The following ARHGAP10 variants were observed in gnomAD, a reference collection of about 807,000 sequenced individuals.
ARHGAP10 encodes rho GTPase-activating protein 10.
Under a neutral mutation model 108.6 loss-of-function variants are expected in ARHGAP10, and 87 were observed. The observed-to-expected ratio is 0.80, with a 90% CI of 0.67 to 0.96. The LOEUF is 0.96. Among genes scored for constraint, ARHGAP10 ranks in the 40% least tolerant of loss-of-function variants. ARHGAP10 has a pLI of 0.00. For synonymous variants in ARHGAP10, 347 were observed against 341.1 expected (o/e 1.02, Z -0.19); for missense variants, 939 against 954.5 (o/e 0.98, Z 0.21).
In ARHGAP10 at chr4:147,736,120, C is replaced by CTGTGTGTGTGTG. The variant is rs10644088; in HGVS notation, c.154+3688_154+3699dup. Among the ~76,000 whole-genome samples the CTGTGTGTGTGTG allele has an allele frequency of 2.4e-3, 351 of 144,740 alleles. 2 individuals are homozygous for CTGTGTGTGTGTG. Among genetic ancestry groups the CTGTGTGTGTGTG allele is most frequent in the African/African-American group, 8.5e-3 (335 of 39,336 alleles). 95.0% of individuals were successfully genotyped at this position (144,740 alleles called of 152,430 possible). ...TCTGTAGTGAACTTAAATTGTCTAG[C>CTGTGTGTGTGTG]TGTGTGTGTGTGTGTGTGTGTGTGT... On this transcript the variant is annotated intron_variant, in intron 1 of 22. Coordinates refer to ENST00000336498, the MANE Select transcript of ARHGAP10 (RefSeq NM_024605.4).
chr4:147,935,376 T>G (rs527341911), intron 13 of ARHGAP10, among the ~76,000 whole-genome samples: 1 of 152,186 alleles, frequency 6.6e-6, no homozygotes, highest in Admixed American at 6.5e-5. Flanking sequence ...TGGATTATAG[T>G]TGTGTGTTTC....
chr4:147,833,937 A>G (rs1397924997), intron 3 of ARHGAP10, among the ~76,000 whole-genome samples: 3 of 152,214 alleles, frequency 2.0e-5, no homozygotes, highest in African/African-American at 7.2e-5. Context: ...GACATTGACT[A>G]TCAGGCCCAG....
At chr4:147,790,922 AC>A (rs1553950351) in intron 1 of ARHGAP10, among the ~76,000 whole-genome samples, 1 of 151,748 alleles carries the variant, frequency 6.6e-6, no homozygotes, top group Non-Finnish European at 1.5e-5. Context: ...GGCTCCTGTG[AC>A]CCCTCCTCAT....
chr4:147,948,965 CAA>C (rs571158588), intron 15 of ARHGAP10, among the ~76,000 whole-genome samples: 2 of 87,780 alleles, frequency 2.3e-5, no homozygotes, highest in Non-Finnish European at 2.4e-5. Flanking sequence ...GACTCTGTCT[CAA>C]AAAAAAAAAA....
At chr4:147,748,624 C>T (rs543106287) in intron 1 of ARHGAP10, among the ~76,000 whole-genome samples, 1 of 152,250 alleles carries the variant, frequency 6.6e-6, no homozygotes, top group South Asian at 2.1e-4. Context: ...GATGGTTTCA[C>T]AGGTGTATGC....
intron 15 of ARHGAP10, among the ~76,000 whole-genome samples, chr4:147,951,907 C>T (rs1443624607): frequency 6.6e-6 from 1 of 152,146 alleles, no homozygotes; most frequent in Non-Finnish European, 1.5e-5. Flanking sequence ...CATTATTACC[C>T]CCCAAAGTTT....
At chr4:147,918,394 C>T (rs1260966124) in intron 13 of ARHGAP10, among the ~76,000 whole-genome samples, 2 of 152,150 alleles carry the variant, frequency 1.3e-5, no homozygotes, top group Admixed American at 1.3e-4. Context: ...CTCGGCCTCC[C>T]AAAGTGCTGT....
chr4:147,740,672 C>T (rs953029951), intron 1 of ARHGAP10, among the ~76,000 whole-genome samples: 3 of 152,198 alleles, frequency 2.0e-5, no homozygotes, highest in Non-Finnish European at 4.4e-5. Flanking sequence ...TCCACTCTGT[C>T]TCTCTCAATC....
At chr4:147,909,859 T>A in intron 12 of ARHGAP10, 82 bp downstream of exon 12, 1 of 1,375,042 alleles carries the variant, frequency 7.3e-7, no homozygotes, top group Non-Finnish European at 1.0e-6. Flanking sequence ...AAGCTGTTGC[T>A]GGGAGCTTAC....
intron 3 of ARHGAP10, among the ~76,000 whole-genome samples, chr4:147,827,548 G>A (rs2126792208): frequency 6.6e-6 from 1 of 152,144 alleles, no homozygotes; most frequent in East Asian, 1.9e-4. Flanking sequence ...GAGGGCCTTT[G>A]TATAGTTTAG....
At chr4:147,739,575 AAAAG>A (rs778381653) in intron 1 of ARHGAP10, among the ~76,000 whole-genome samples, 3 of 152,182 alleles carry the variant, frequency 2.0e-5, no homozygotes, top group Non-Finnish European at 4.4e-5. Flanking sequence ...AATTCACAAT[AAAAG>A]AAGACGACCA....
chr4:147,946,301 CGAT>C (rs1212631420), intron 14 of ARHGAP10: 63 of 248,162 alleles, frequency 2.5e-4, no homozygotes, highest in Non-Finnish European at 3.9e-4. Flanking sequence ...ATACTGTTAA[CGAT>C]GATGATGATA....
intron 7 of ARHGAP10, among the ~76,000 whole-genome samples, chr4:147,870,974 G>GTT (rs1180872640): frequency 7.5e-6 from 1 of 132,816 alleles, no homozygotes; most frequent in African/African-American, 2.9e-5. Flanking sequence ...GTGTGTGTGT[G>GTT]TTTGAGATGG....
intron 18 of ARHGAP10, among the ~76,000 whole-genome samples, chr4:148,011,812 A>G (rs966565481): frequency 6.6e-6 from 1 of 152,228 alleles, no homozygotes; most frequent in Middle Eastern, 3.2e-3. Flanking sequence ...CCCTGAGAAT[A>G]TTTAAGAATC....
At position 147,826,138 on chromosome 4, in the gene ARHGAP10, G is replaced by A. The variant is rs577516387; in HGVS notation, c.312+3181G>A. ...CTGGAGGAAAAGTTCTGAGCAGAGTGGTGCTGGATTTTAGCTCTACAGAAA... is the reference window on the plus strand; with the variant it reads ...CTGGAGGAAAAGTTCTGAGCAGAGTAGTGCTGGATTTTAGCTCTACAGAAA... On this transcript the variant is annotated intron_variant, in intron 3 of 22. Coordinates refer to ENST00000336498, the MANE Select transcript of ARHGAP10 (RefSeq NM_024605.4). Among the ~76,000 whole-genome samples, 10 of 152,280 alleles carry A rather than the reference G, an allele frequency of 6.6e-5. No individual in the cohort carries two copies. The South Asian group carries it at 2.1e-3, about 32-fold the overall frequency.
chr4:147,887,637 G>C (rs1280364506), intron 10 of ARHGAP10, among the ~76,000 whole-genome samples: 3 of 152,064 alleles, frequency 2.0e-5, no homozygotes, highest in Non-Finnish European at 2.9e-5. Flanking sequence ...CGAGGTGGGT[G>C]GATCACCTGA....
At chr4:147,779,163 T>C (rs1730425697) in intron 1 of ARHGAP10, among the ~76,000 whole-genome samples, 2 of 152,136 alleles carry the variant, frequency 1.3e-5, no homozygotes, top group Admixed American at 1.3e-4. Flanking sequence ...GTGATGCTGA[T>C]GTTGCTGGTT....
intron 6 of ARHGAP10, 149 bp downstream of exon 6, chr4:147,865,105 C>G: frequency 1.5e-6 from 1 of 667,104 alleles, no homozygotes; most frequent in Non-Finnish European, 2.5e-6. Context: ...CACAGATAGC[C>G]ATGAAGTCAA....
At chr4:147,994,059 C>T (rs538334047) in intron 18 of ARHGAP10, among the ~76,000 whole-genome samples, 1 of 152,354 alleles carries the variant, frequency 6.6e-6, no homozygotes, top group South Asian at 2.1e-4. Flanking sequence ...CATTTATAGC[C>T]TGACTTCTTC....
Sources: gnomAD v4.1 joint callset for allele counts (sites outside exome capture counted in the v4.1 genomes callset) on GRCh38, gnomAD v4.1.1 for gene constraint, MANE v1.5 for transcripts, NCBI Gene and HGNC (gene_info 2026-07-23, HGNC 2026-07-21) for gene names.